The following OR10H5 variants were observed in gnomAD, a reference collection of about 807,000 sequenced individuals.
OR10H5 encodes olfactory receptor 10H5.
OR10H5 carries 7 observed loss-of-function variants against 12.2 expected under a neutral mutation model. The observed-to-expected ratio is 0.57, with a 90% CI of 0.33 to 1.07. The LOEUF (loss-of-function observed/expected upper bound fraction) is 1.07. Ranked by LOEUF, OR10H5 falls within the 50% of genes least tolerant of loss-of-function variation. The probability of loss-of-function intolerance (pLI) is 0.04; values close to 1 mark genes in which losing one functional copy is unlikely to be tolerated. For missense variants in OR10H5, 346 were observed against 411.6 expected, an observed-to-expected ratio of 0.84 and a Z score of 1.38; for synonymous variants, 159 against 175.1, an observed-to-expected ratio of 0.91 and a Z score of 0.73.
intron 1 of OR10H5, among the ~76,000 whole-genome samples, chr19:15,788,486 T>A (rs1160367408): frequency 6.6e-6 from 1 of 151,966 alleles, no homozygotes; most frequent in Non-Finnish European, 1.5e-5. Context: ...TTCAGAATAA[T>A]CTCATTTTTA....
Position 15,788,162 on chromosome 19 carries a change from C to T in OR10H5, c.-12+446C>T, listed in dbSNP as rs1027449035. Reference sequence around the variant, plus strand: ...GTGTGTGTGTGTGTGCAGTTGTGTGCGCTTGTATGAGATTATTGTAGCTGC... The same window carrying T: ...GTGTGTGTGTGTGTGCAGTTGTGTGTGCTTGTATGAGATTATTGTAGCTGC... On this transcript the variant is annotated intron_variant, in intron 1 of 1. Transcript: ENST00000642092. Among the ~76,000 whole-genome samples the T allele has an allele frequency of 2.0e-5, 3 of 151,998 alleles. No homozygotes were observed. In the East Asian group the frequency reaches 5.8e-4, roughly 29 times the overall value.
intron 1 of OR10H5, among the ~76,000 whole-genome samples, chr19:15,792,767 T>C (rs996840491): frequency 6.6e-6 from 1 of 152,118 alleles, no homozygotes; most frequent in African/African-American, 2.4e-5. Flanking sequence ...TGCCCGGCCC[T>C]TAACCTTAAA....
Position 15,796,424 on chromosome 19 carries a change from A to G in OR10H5, c.*1428A>G, listed in dbSNP as rs2088840175. 2 of 152,168 alleles carry G rather than the reference A, an allele frequency of 1.3e-5. No individual in the cohort carries two copies. The highest frequency in any genetic ancestry group is 2.4e-5 in the African/African-American group (1 of 41,424). 9.4% of individuals were successfully genotyped at this position (152,168 alleles called of 1,614,324 possible). The stretch of plus-strand genomic sequence containing the variant: ...TGGCTGTAGTATTTCTGTGTTTTTT[A>G]GTAGACGTGTTAATACGAAAGAGTG... On this transcript the variant is annotated 3_prime_UTR_variant, in exon 2 of 2. Transcript: ENST00000642092.
intron 1 of OR10H5, among the ~76,000 whole-genome samples, chr19:15,793,289 T>G (rs901403469): frequency 2.0e-5 from 3 of 152,086 alleles, no homozygotes; most frequent in African/African-American, 7.2e-5. Flanking sequence ...GTGGCACATT[T>G]TCTTATACTT....
chr19:15,789,450 C>T (rs1375481612), intron 1 of OR10H5, among the ~76,000 whole-genome samples: 2 of 152,202 alleles, frequency 1.3e-5, no homozygotes, highest in Admixed American at 6.5e-5. Flanking sequence ...TGGGAGCCTG[C>T]GTGTGTGCCA....
At chr19:15,791,727 CTG>C (rs2088810250) in intron 1 of OR10H5, among the ~76,000 whole-genome samples, 1 of 150,342 alleles carries the variant, frequency 6.7e-6, no homozygotes, top group South Asian at 2.1e-4. Context: ...GAGTCTCGCT[CTG>C]TGGCCCAGGC....
rs773721455 is a variant in OR10H5 at position 15,795,026 on chromosome 19, C to T, written c.*30C>T. On this transcript the variant is annotated 3_prime_UTR_variant, in exon 2 of 2. Coordinates refer to ENST00000642092, the MANE Select transcript of OR10H5 (RefSeq NM_001004466.2). Reference sequence around the variant, plus strand: ...GCTGACTTTCTCTCAAGAGATGTAGCGAATGGGAACACTTTAGTCTTCCTC... The same window carrying T: ...GCTGACTTTCTCTCAAGAGATGTAGTGAATGGGAACACTTTAGTCTTCCTC... 1.0e-5 allele frequency: 16 copies of T among 1,585,664 alleles called. No homozygotes were observed. The Middle Eastern group carries it at 5.0e-4, about 50-fold the overall frequency.
At chr19:15,787,997 A>C (rs2088790638) in intron 1 of OR10H5, among the ~76,000 whole-genome samples, 1 of 152,072 alleles carries the variant, frequency 6.6e-6, no homozygotes, top group Non-Finnish European at 1.5e-5. Context: ...CGTGGCCACC[A>C]GGGTCCATGC....
intron 1 of OR10H5, among the ~76,000 whole-genome samples, chr19:15,791,741 G>A (rs562452887): frequency 2.9e-4 from 44 of 151,076 alleles, no homozygotes; most frequent in Non-Finnish European, 5.5e-4. Context: ...GGCCCAGGCT[G>A]GAGTGCAGTG....
intron 1 of OR10H5, among the ~76,000 whole-genome samples, chr19:15,791,854 A>T (rs967507460): frequency 2.6e-5 from 4 of 151,772 alleles, no homozygotes; most frequent in African/African-American, 9.7e-5. Context: ...CACCACGCCC[A>T]GCTAATTTTT....
At position 15,799,572 on chromosome 19, in the gene OR10H5, A is replaced by G. The variant is rs773513916; in HGVS notation, c.*4576A>G. On this transcript the variant is annotated 3_prime_UTR_variant, in exon 2 of 2. Coordinates refer to ENST00000642092, the MANE Select transcript of OR10H5 (RefSeq NM_001004466.2). ...TGTTTTCTCTGTGTTAGTATCTCAC[A>G]CACAATTCCACTCCAAATACATCCC... The G allele has an allele frequency of 6.6e-6, 1 of 152,174 alleles. No individual in the cohort carries two copies. Among genetic ancestry groups the G allele is most frequent in the Non-Finnish European group, 1.5e-5 (1 of 68,032 alleles). The allele number at this position is 152,174 out of a possible 1,614,324, so 9.4% of individuals were successfully genotyped here.
intron 1 of OR10H5, among the ~76,000 whole-genome samples, chr19:15,791,895 A>G (rs1164972513): frequency 3.3e-5 from 5 of 151,888 alleles, no homozygotes; most frequent in Non-Finnish European, 7.4e-5. Flanking sequence ...GGTTTTCACC[A>G]TGTTAGCCAG....
chr19:15,788,943 G>A (rs887794348), intron 1 of OR10H5, among the ~76,000 whole-genome samples: 2 of 152,140 alleles, frequency 1.3e-5, no homozygotes, highest in South Asian at 2.1e-4. Flanking sequence ...GCAAATGTGT[G>A]CCATGGTGCT....
intron 1 of OR10H5, among the ~76,000 whole-genome samples, chr19:15,793,495 C>T (rs2088818389): frequency 6.6e-6 from 1 of 151,992 alleles, no homozygotes; most frequent in Non-Finnish European, 1.5e-5. Context: ...AACTCCTGGC[C>T]TCAGGTGACC....
In OR10H5 at chr19:15,795,022, G is replaced by A; in HGVS notation, c.*26G>A. The A allele has an allele frequency of 6.3e-7, 1 of 1,598,440 alleles. No individual in the cohort carries two copies. The highest frequency in any genetic ancestry group is 1.3e-5 in the African/African-American group (1 of 74,610). ...AATGGCTGACTTTCTCTCAAGAGAT[G>A]TAGCGAATGGGAACACTTTAGTCTT... On this transcript the variant is annotated 3_prime_UTR_variant, in exon 2 of 2. Transcript: ENST00000642092.
chr19:15,788,124 TC>T (rs1209235839), intron 1 of OR10H5, among the ~76,000 whole-genome samples: 1 of 152,182 alleles, frequency 6.6e-6, no homozygotes, highest in East Asian at 1.9e-4. Context: ...CCATGTGTAC[TC>T]CTGCCTTCAC....
rs2088855852 is a variant in OR10H5 at position 15,799,275 on chromosome 19, ACT to A, written c.*4282_*4283del. 6.9e-6 allele frequency: 1 copy of A among 145,628 alleles called. No individual in the cohort carries two copies. Among genetic ancestry groups the A allele is most frequent in the Non-Finnish European group, 1.5e-5 (1 of 66,594 alleles). The allele number at this position is 145,628 out of a possible 1,614,324, so 9.0% of individuals were successfully genotyped here. A position where few individuals can be genotyped will look rare whatever the true frequency, so the allele number is the denominator to read the frequency against. On this transcript the variant is annotated 3_prime_UTR_variant, in exon 2 of 2. Coordinates refer to ENST00000642092, the MANE Select transcript of OR10H5 (RefSeq NM_001004466.2). ...CCCGGACCCCAGGAACCTTGCATCT[ACT>A]CTTTTTTTTTTCTTCAGAGATTGGG...
chr19:15,792,257 T>G (rs1336233594), intron 1 of OR10H5, among the ~76,000 whole-genome samples: 1 of 152,224 alleles, frequency 6.6e-6, no homozygotes. Flanking sequence ...AAGATTATTA[T>G]GTGATATGTT....
chr19:15,793,231 C>T (rs1194799092), intron 1 of OR10H5, among the ~76,000 whole-genome samples: 1 of 152,070 alleles, frequency 6.6e-6, no homozygotes, highest in East Asian at 1.9e-4. Flanking sequence ...TCGATCCTCC[C>T]ACCTCAGCCT....
Sources: gnomAD v4.1 joint callset for allele counts (sites outside exome capture counted in the v4.1 genomes callset) on GRCh38, gnomAD v4.1.1 for gene constraint, MANE v1.5 for transcripts, NCBI Gene and HGNC (gene_info 2026-07-23, HGNC 2026-07-21) for gene names.